The following FAR2 variants were observed in gnomAD, a reference collection of about 807,000 sequenced individuals.
FAR2 encodes the protein epididymis secretory protein Li 81.
FAR2 carries 19 observed loss-of-function variants against 56.0 expected under a neutral mutation model. The ratio of observed to expected loss-of-function variants is 0.34; its 90% CI spans 0.24 to 0.50. The LOEUF is 0.50. FAR2 is among the 20% of genes least tolerant of loss of function. The pLI, the probability that FAR2 is intolerant of heterozygous loss-of-function variation, is 0.98. For synonymous variants in FAR2, 219 were observed against 218.8 expected (o/e 1.00, Z -0.01); for missense variants, 508 against 642.2 (o/e 0.79, Z 2.26).
intron 1 of FAR2, 108 bp downstream of exon 1, chr12:29,149,515 G>A (rs1224231921): frequency 6.6e-6 from 1 of 152,432 alleles, no homozygotes; most frequent in Non-Finnish European, 1.5e-5. Flanking sequence ...TTCGCAGGGC[G>A]GGGCGGTTCC....
intron 10 of FAR2, among the ~76,000 whole-genome samples, chr12:29,328,470 C>A (rs1450487666): frequency 6.6e-6 from 1 of 152,118 alleles, no homozygotes; most frequent in Non-Finnish European, 1.5e-5. Context: ...GCACTAGTCA[C>A]AATGGCAAAG....
At chr12:29,217,250 C>T (rs566891443) in intron 1 of FAR2, among the ~76,000 whole-genome samples, 3 of 152,338 alleles carry the variant, frequency 2.0e-5, no homozygotes, top group Admixed American at 6.5e-5. Flanking sequence ...TTCCTGGAGG[C>T]ATCTGCTCAG....
chr12:29,327,256 A>G (rs1184519401), intron 10 of FAR2, among the ~76,000 whole-genome samples: 1 of 152,224 alleles, frequency 6.6e-6, no homozygotes, highest in Non-Finnish European at 1.5e-5. Flanking sequence ...ATAAAAGAAG[A>G]TACAAACAAA....
At chr12:29,307,512 C>G in intron 4 of FAR2, 146 bp from the exon 5 acceptor site, 1 of 742,706 alleles carries the variant, frequency 1.3e-6, no homozygotes, top group East Asian at 2.8e-5. Flanking sequence ...TGAGCAGGTA[C>G]ACACTCAAAC....
chr12:29,172,215 G>A (rs1949894642), intron 1 of FAR2, among the ~76,000 whole-genome samples: 1 of 151,306 alleles, frequency 6.6e-6, no homozygotes, highest in African/African-American at 2.4e-5. Flanking sequence ...CACCGTCTGG[G>A]AAGTGAGAAG....
At chr12:29,153,101 G>A (rs1325228352) in intron 1 of FAR2, among the ~76,000 whole-genome samples, 1 of 152,214 alleles carries the variant, frequency 6.6e-6, no homozygotes, top group Non-Finnish European at 1.5e-5. Flanking sequence ...CACTGTGCCA[G>A]CTTTTCCACA....
At chr12:29,235,072 A>G (rs896715760) in intron 1 of FAR2, among the ~76,000 whole-genome samples, 1 of 152,156 alleles carries the variant, frequency 6.6e-6, no homozygotes, top group Non-Finnish European at 1.5e-5. Context: ...GTATTGACTC[A>G]TTTTGTCCTC....
At chr12:29,212,673 T>C (rs1462929555) in intron 1 of FAR2, among the ~76,000 whole-genome samples, 1 of 152,240 alleles carries the variant, frequency 6.6e-6, no homozygotes, top group African/African-American at 2.4e-5. Context: ...AAACTTGAGA[T>C]ATCCAAATGA....
At chr12:29,238,031 T>C (rs569486184) in intron 1 of FAR2, among the ~76,000 whole-genome samples, 1 of 152,286 alleles carries the variant, frequency 6.6e-6, no homozygotes, top group East Asian at 1.9e-4. Flanking sequence ...GGCCACTGGA[T>C]TTTAATGTAA....
At chr12:29,167,177 G>A (rs1377591895) in intron 1 of FAR2, among the ~76,000 whole-genome samples, 1 of 152,168 alleles carries the variant, frequency 6.6e-6, no homozygotes, top group Non-Finnish European at 1.5e-5. Context: ...ATACTCTGCT[G>A]CTTTCAGCTT....
At chr12:29,300,800 T>C (rs369834871) in intron 4 of FAR2, among the ~76,000 whole-genome samples, 4 of 152,116 alleles carry the variant, frequency 2.6e-5, no homozygotes, top group East Asian at 3.9e-4. Context: ...CTCAAGAAAA[T>C]CACCATGACG....
At chr12:29,283,695 G>A (rs1948823590) in intron 2 of FAR2, among the ~76,000 whole-genome samples, 1 of 152,104 alleles carries the variant, frequency 6.6e-6, no homozygotes, top group Non-Finnish European at 1.5e-5. Flanking sequence ...GGAGCTGCTA[G>A]GTAAATTTCG....
intron 1 of FAR2, among the ~76,000 whole-genome samples, chr12:29,254,739 G>A (rs1278518059): frequency 1.3e-5 from 2 of 152,068 alleles, no homozygotes; most frequent in Non-Finnish European, 2.9e-5. Flanking sequence ...ATCACTTGAG[G>A]TCAGGAGTTC....
chr12:29,325,254 C>T (rs1280113413), intron 10 of FAR2, among the ~76,000 whole-genome samples: 3 of 152,012 alleles, frequency 2.0e-5, no homozygotes, highest in East Asian at 1.9e-4. Context: ...ATAAAGCAAG[C>T]CCTTAGTGAC....
intron 2 of FAR2, among the ~76,000 whole-genome samples, chr12:29,272,867 CTTGT>C (rs1434004982): frequency 6.6e-6 from 1 of 152,020 alleles, no homozygotes; most frequent in East Asian, 1.9e-4. Flanking sequence ...TCGCTTTCTG[CTTGT>C]TTTTCTTTCA....
At chr12:29,161,706 C>T (rs533601209) in intron 1 of FAR2, among the ~76,000 whole-genome samples, 56 of 152,328 alleles carry the variant, frequency 3.7e-4, no homozygotes, top group African/African-American at 1.3e-3. Flanking sequence ...TCTGCCAAAG[C>T]GTTTTCCAAA....
At chr12:29,165,861 A>T (rs1009512590) in intron 1 of FAR2, among the ~76,000 whole-genome samples, 1 of 152,222 alleles carries the variant, frequency 6.6e-6, no homozygotes, top group Non-Finnish European at 1.5e-5. Context: ...TAAGAAAAAA[A>T]ATATAGAACA....
At chr12:29,281,742 TA>T (rs71042976) in intron 2 of FAR2, among the ~76,000 whole-genome samples, 64,461 of 143,268 alleles carry the variant, frequency 0.45, 14,002 homozygotes, top group East Asian at 0.54. Flanking sequence ...CAACATCACC[TA>T]AAAAAAAAAA....
At chr12:29,169,087 G>A (rs145420712) in intron 1 of FAR2, among the ~76,000 whole-genome samples, 2,764 of 152,200 alleles carry the variant, frequency 0.018, 86 homozygotes, top group African/African-American at 0.062. Context: ...TGATTGGTGC[G>A]TTTCCAATCC....
Sources: gnomAD v4.1 joint callset for allele counts (sites outside exome capture counted in the v4.1 genomes callset) on GRCh38, gnomAD v4.1.1 for gene constraint, MANE v1.5 for transcripts, NCBI Gene and HGNC (gene_info 2026-07-23, HGNC 2026-07-21) for gene names.